CDK14: variants seen among roughly 807,000 people sequenced by gnomAD.
CDK14 encodes cyclin dependent kinase 14.
In CDK14, 34 loss-of-function variants were observed where a neutral mutation model predicts 60.7. The ratio of observed to expected loss-of-function variants is 0.56; its 90% CI spans 0.43 to 0.75. The LOEUF is 0.75. Ranked by LOEUF, CDK14 falls within the 30% of genes least tolerant of loss-of-function variation. The probability of loss-of-function intolerance (pLI) is 0.00; values close to 1 mark genes in which losing one functional copy is unlikely to be tolerated. For synonymous variants in CDK14, 197 were observed against 203.7 expected (o/e 0.97, Z 0.28); for missense variants, 482 against 564.1 (o/e 0.85, Z 1.47).
At chr7:90,735,995 A>T (rs1803084560) in intron 3 of CDK14, among the ~76,000 whole-genome samples, 1 of 152,198 alleles carries the variant, frequency 6.6e-6, no homozygotes, top group African/African-American at 2.4e-5. Context: ...GGTTGCAAAC[A>T]CTGTGGTAAA....
At position 90,637,862 on chromosome 7, in the gene CDK14, T is replaced by C. The variant is rs577135510; in HGVS notation, c.123+33613T>C. ...ATTTAGGATAGTTAGCTGCTCTTGT[T>C]GAATTGATCCGTTTACCATTATGTA... On this transcript the variant is annotated intron_variant, in intron 2 of 14. Coordinates refer to ENST00000380050, the MANE Select transcript of CDK14 (RefSeq NM_001287135.2). 2.7e-5 allele frequency among the ~76,000 whole-genome samples: 4 copies of C among 150,724 alleles called. No individual in the cohort carries two copies. The East Asian group carries it at 7.9e-4, about 30-fold the overall frequency.
chr7:91,187,899 C>T (rs1397014978), intron 14 of CDK14, among the ~76,000 whole-genome samples: 1 of 152,124 alleles, frequency 6.6e-6, no homozygotes, highest in South Asian at 2.1e-4. Context: ...CTTCTCCTTA[C>T]AGTACGCACG....
At chr7:91,176,837 G>A (rs1174963033) in intron 14 of CDK14, among the ~76,000 whole-genome samples, 10 of 151,916 alleles carry the variant, frequency 6.6e-5, no homozygotes, top group East Asian at 3.9e-4. Flanking sequence ...AACCAAAAAG[G>A]GTCCAGGACC....
intron 10 of CDK14, among the ~76,000 whole-genome samples, chr7:91,003,712 T>C (rs1400920563): frequency 1.3e-5 from 2 of 152,164 alleles, no homozygotes; most frequent in African/African-American, 4.8e-5. Flanking sequence ...TATAATTTTG[T>C]CCAGAACCCT....
intron 14 of CDK14, among the ~76,000 whole-genome samples, chr7:91,179,994 G>A (rs1169114014): frequency 6.6e-6 from 1 of 151,974 alleles, no homozygotes; most frequent in African/African-American, 2.4e-5. Context: ...ATGCTATAGA[G>A]TATTATAGAG....
intron 8 of CDK14, among the ~76,000 whole-genome samples, chr7:90,952,420 G>A (rs559204150): frequency 2.0e-5 from 3 of 152,282 alleles, no homozygotes; most frequent in African/African-American, 7.2e-5. Flanking sequence ...CCAAGATTCT[G>A]CTATGCTAGT....
intron 5 of CDK14, among the ~76,000 whole-genome samples, chr7:90,838,239 A>G (rs544958040): frequency 6.6e-6 from 1 of 152,316 alleles, no homozygotes; most frequent in Admixed American, 6.5e-5. Flanking sequence ...GACATTTATT[A>G]GTTCCCAAAA....
intron 2 of CDK14, among the ~76,000 whole-genome samples, chr7:90,637,534 T>C (rs971582797): frequency 2.7e-4 from 41 of 151,954 alleles, no homozygotes; most frequent in African/African-American, 9.4e-4. Flanking sequence ...TTACATTTGC[T>C]GAGGAGTGCT....
At chr7:90,964,250 C>T (rs1255216869) in intron 9 of CDK14, among the ~76,000 whole-genome samples, 1 of 152,114 alleles carries the variant, frequency 6.6e-6, no homozygotes, top group African/African-American at 2.4e-5. Context: ...CCTTCCCCAG[C>T]TCTGTTTGTC....
At chr7:90,855,565 T>C (rs574761894) in intron 5 of CDK14, among the ~76,000 whole-genome samples, 2 of 152,324 alleles carry the variant, frequency 1.3e-5, no homozygotes, top group East Asian at 1.9e-4. Flanking sequence ...ATTTGATGAA[T>C]AGATTATTCC....
At chr7:90,755,703 C>T (rs1804027286) in intron 4 of CDK14, among the ~76,000 whole-genome samples, 1 of 152,146 alleles carries the variant, frequency 6.6e-6, no homozygotes, top group African/African-American at 2.4e-5. Flanking sequence ...ATCCAGAGGA[C>T]TGTTAATAAC....
intron 3 of CDK14, among the ~76,000 whole-genome samples, chr7:90,746,064 A>G (rs1016334351): frequency 1.3e-5 from 2 of 152,082 alleles, no homozygotes; most frequent in African/African-American, 4.8e-5. Context: ...TGCAGTCTCA[A>G]CTGTTTATGT....
chr7:90,883,638 C>G (rs1319891383), intron 6 of CDK14, among the ~76,000 whole-genome samples: 2 of 152,088 alleles, frequency 1.3e-5, no homozygotes, highest in East Asian at 3.8e-4. Flanking sequence ...ACAACAAACA[C>G]AGAAAACTTC....
At chr7:90,638,840 T>C (rs959224355) in intron 2 of CDK14, among the ~76,000 whole-genome samples, 3 of 151,604 alleles carry the variant, frequency 2.0e-5, no homozygotes, top group Non-Finnish European at 4.4e-5. Context: ...CTTTTTATTC[T>C]TTTTTCTCTA....
At chr7:90,955,008 G>A (rs969503910) in intron 8 of CDK14, among the ~76,000 whole-genome samples, 1 of 150,580 alleles carries the variant, frequency 6.6e-6, no homozygotes, top group Non-Finnish European at 1.5e-5. Context: ...AGGTCAAATT[G>A]CGTATACCTT....
intron 8 of CDK14, among the ~76,000 whole-genome samples, chr7:90,922,005 A>G (rs1046419816): frequency 2.0e-5 from 3 of 152,226 alleles, no homozygotes; most frequent in Non-Finnish European, 4.4e-5. Flanking sequence ...TAAGAATAGT[A>G]GTAAACAGAA....
At chr7:90,805,071 T>A (rs1031164397) in intron 5 of CDK14, among the ~76,000 whole-genome samples, 2 of 152,260 alleles carry the variant, frequency 1.3e-5, no homozygotes, top group Admixed American at 6.5e-5. Context: ...AAATGACTGT[T>A]AGGATTTACA....
intron 5 of CDK14, among the ~76,000 whole-genome samples, chr7:90,808,845 C>T (rs1788972972): frequency 2.0e-5 from 3 of 152,072 alleles, no homozygotes; most frequent in Non-Finnish European, 4.4e-5. Flanking sequence ...GACTTTAAAC[C>T]AACAAAGATC....
At chr7:90,880,659 C>T (rs1477234897) in intron 6 of CDK14, among the ~76,000 whole-genome samples, 1 of 152,084 alleles carries the variant, frequency 6.6e-6, no homozygotes, top group Non-Finnish European at 1.5e-5. Context: ...GTCAGACACC[C>T]TATACAGGAG....
Sources: gnomAD v4.1 joint callset for allele counts (sites outside exome capture counted in the v4.1 genomes callset) on GRCh38, gnomAD v4.1.1 for gene constraint, MANE v1.5 for transcripts, NCBI Gene and HGNC (gene_info 2026-07-23, HGNC 2026-07-21) for gene names.